The following FAM81A variants were observed in gnomAD, a reference collection of about 807,000 sequenced individuals.
The protein encoded by FAM81A is protein FAM81A.
A neutral mutation model predicts 46.7 loss-of-function variants in FAM81A; 19 were observed. The ratio of observed to expected loss-of-function variants is 0.41; its 90% confidence interval spans 0.28 to 0.60. The LOEUF (loss-of-function observed/expected upper bound fraction) is 0.60. Ranked by LOEUF, FAM81A falls within the 20% of genes least tolerant of loss-of-function variation. FAM81A has a pLI of 0.34. For synonymous variants in FAM81A, 183 were observed against 152.9 expected, an observed-to-expected ratio of 1.20 and a Z score of -1.45; for missense variants, 377 against 453.5, an observed-to-expected ratio of 0.83 and a Z score of 1.53.
chr15:59,418,619 G>A (rs2081157362), intron 2 of FAM81A, among the ~76,000 whole-genome samples: 1 of 152,136 alleles, frequency 6.6e-6, no homozygotes. Flanking sequence ...TGTTGTTCAT[G>A]TTACCCAGGC....
At chr15:59,472,446 G>A (rs181301217) in intron 3 of FAM81A, among the ~76,000 whole-genome samples, 4 of 152,182 alleles carry the variant, frequency 2.6e-5, no homozygotes, top group African/African-American at 7.2e-5. Flanking sequence ...CTTTGCCTGC[G>A]GGATACTGGC....
intron 1 of FAM81A, chr15:59,438,584 G>A (rs771754473): frequency 6.6e-6 from 1 of 152,362 alleles, no homozygotes; most frequent in South Asian, 2.1e-4. Flanking sequence ...GATTGCCAGG[G>A]GTAAAGGCGA....
intron 2 of FAM81A, among the ~76,000 whole-genome samples, chr15:59,431,025 A>G (rs1304408645): frequency 6.6e-6 from 1 of 152,270 alleles, no homozygotes; most frequent in African/African-American, 2.4e-5. Context: ...AATAACTAAG[A>G]TGTTATTCTA....
chr15:59,448,411 G>A (rs1464926226), intron 1 of FAM81A, among the ~76,000 whole-genome samples: 3 of 152,046 alleles, frequency 2.0e-5, no homozygotes, highest in African/African-American at 7.2e-5. Flanking sequence ...TTAAACTCAT[G>A]AGTCAAAATG....
In FAM81A at chr15:59,460,692, C is replaced by A. The variant is rs1596489067; in HGVS notation, c.294+486C>A. The A allele has an allele frequency of 9.9e-6, 2 of 202,762 alleles. No homozygotes were observed. Among genetic ancestry groups the A allele is most frequent in the East Asian group, 2.5e-4 (2 of 7,864 alleles). 12.6% of individuals were successfully genotyped at this position (202,762 alleles called of 1,614,324 possible). On this transcript the variant is annotated intron_variant, in intron 3 of 8. Transcript: ENST00000288228. The surrounding 1 kb of genome is among the most constrained non-coding windows in gnomAD (Gnocchi z 4.4). ...CTCCCCTTTTTACTGCTGTAGTTTT[C>A]TTTGAAATGAGACCAATAAAAGGCC...
chr15:59,414,062 T>TC (rs1353481053), intron 2 of FAM81A, among the ~76,000 whole-genome samples: 76 of 152,326 alleles, frequency 5.0e-4, no homozygotes, highest in African/African-American at 1.7e-3. Context: ...CAAGCGATTC[T>TC]CTTCCAGCCT....
chr15:59,413,077 A>G (rs1462448293), intron 2 of FAM81A, among the ~76,000 whole-genome samples: 1 of 152,224 alleles, frequency 6.6e-6, no homozygotes, highest in Non-Finnish European at 1.5e-5. Flanking sequence ...TGGGAGCAAC[A>G]GCACGCCACA....
chr15:59,454,745 C>A (rs534225409), intron 1 of FAM81A, among the ~76,000 whole-genome samples: 48 of 152,214 alleles, frequency 3.2e-4, no homozygotes, highest in African/African-American at 1.1e-3. Context: ...CCCACCTTAG[C>A]CTCCCGGGTA....
chr15:59,443,033 T>TGATACA (rs2081317195), intron 1 of FAM81A, among the ~76,000 whole-genome samples: 2 of 152,248 alleles, frequency 1.3e-5, no homozygotes, highest in Non-Finnish European at 2.9e-5. Flanking sequence ...GTATCATCTA[T>TGATACA]TGACCTAATA....
intron 1 of FAM81A, among the ~76,000 whole-genome samples, chr15:59,450,051 T>G (rs560495470): frequency 6.6e-6 from 1 of 151,032 alleles, no homozygotes; most frequent in South Asian, 2.1e-4. Context: ...GCCTCCTTGG[T>G]AGCTGGGACA....
At chr15:59,508,435 T>C (rs1302847369) in intron 5 of FAM81A, among the ~76,000 whole-genome samples, 1 of 152,300 alleles carries the variant, frequency 6.6e-6, no homozygotes, top group East Asian at 1.9e-4. Flanking sequence ...ACAAGTTATA[T>C]TGACTGGTGA....
rs572931958 is a variant in FAM81A at position 59,411,347 on chromosome 15, T to C, written c.-78+8989T>C. Among the ~76,000 whole-genome samples, 4 of 152,088 alleles carry C rather than the reference T, an allele frequency of 2.6e-5. No individual in the cohort carries two copies. The South Asian group carries it at 6.2e-4, about 24-fold the overall frequency. On this transcript the variant is annotated intron_variant, in intron 2 of 4. Transcript: ENST00000558348. ...AGAGGAGAAGATGAGTATCAATCCA[T>C]AGCAGAAACAAAGAGGTATATATGC...
chr15:59,425,428 G>A (rs1467230334), intron 2 of FAM81A, among the ~76,000 whole-genome samples: 1 of 152,100 alleles, frequency 6.6e-6, no homozygotes, highest in African/African-American at 2.4e-5. Flanking sequence ...AATTATCTGA[G>A]TTATGGAAAA....
At chr15:59,508,093 GAAA>G (rs1450613897) in intron 5 of FAM81A, among the ~76,000 whole-genome samples, 4 of 152,114 alleles carry the variant, frequency 2.6e-5, no homozygotes, top group African/African-American at 9.7e-5. Context: ...ATAAAACTAT[GAAA>G]AAGAATAAAA....
At chr15:59,408,176 G>C (rs2081105019) in intron 2 of FAM81A, 1 of 153,648 alleles carries the variant, frequency 6.5e-6, no homozygotes, top group African/African-American at 2.4e-5. Context: ...GGAGGAAAGA[G>C]AGGAACAAAT....
At chr15:59,421,559 T>C (rs1165570954) in intron 2 of FAM81A, among the ~76,000 whole-genome samples, 1 of 152,222 alleles carries the variant, frequency 6.6e-6, no homozygotes, top group African/African-American at 2.4e-5. Context: ...GTCTAAATCC[T>C]TACTTGTAAT....
chr15:59,421,259 G>T (rs1024317506), intron 2 of FAM81A, among the ~76,000 whole-genome samples: 1 of 152,202 alleles, frequency 6.6e-6, no homozygotes. Flanking sequence ...TTGGAGCTCA[G>T]TGGAAAGGCA....
intron 3 of FAM81A, among the ~76,000 whole-genome samples, chr15:59,488,911 C>A (rs2081950768): frequency 6.6e-6 from 1 of 151,906 alleles, no homozygotes; most frequent in East Asian, 1.9e-4. Context: ...TGCAATGAGC[C>A]AAGATTGTGC....
chr15:59,452,107 C>G (rs1318686916), intron 1 of FAM81A, among the ~76,000 whole-genome samples: 1 of 152,158 alleles, frequency 6.6e-6, no homozygotes, highest in Non-Finnish European at 1.5e-5. Context: ...ATCAGCTGTT[C>G]CCATCTCTTC....
Sources: allele counts gnomAD v4.1 joint callset (sites outside exome capture counted in the v4.1 genomes callset), GRCh38; gene constraint gnomAD v4.1.1; non-coding constraint Gnocchi (gnomAD v3.1); transcripts MANE v1.5; gene names NCBI Gene and HGNC (gene_info 2026-07-23, HGNC 2026-07-21).